RNASEH1: variants seen among roughly 807,000 people sequenced by gnomAD.
RNASEH1 encodes ribonuclease H1.
Under a neutral mutation model 34.6 loss-of-function variants are expected in RNASEH1, and 27 were observed. The ratio of observed to expected loss-of-function variants is 0.78; its 90% CI spans 0.58 to 1.08. The LOEUF is 1.08. Ranked by LOEUF, RNASEH1 falls within the 50% of genes least tolerant of loss-of-function variation. The pLI is 0.00. For synonymous variants in RNASEH1, 162 were observed against 138.4 expected, an observed-to-expected ratio of 1.17 and a Z score of -1.20; for missense variants, 349 against 373.6, an observed-to-expected ratio of 0.93 and a Z score of 0.54.
chr2:3,545,956 C>A, intron 7 of RNASEH1, 85 bp from the exon 8 acceptor site: 1 of 943,104 alleles, frequency 1.1e-6, no homozygotes, highest in South Asian at 1.3e-5. Context: ...AAAAACCATT[C>A]AGAACAGACT....
intron 5 of RNASEH1, 96 bp downstream of exon 5, chr2:3,548,957 ATATCT>A (rs1172707468): frequency 1.1e-5 from 11 of 1,013,592 alleles, no homozygotes; most frequent in Non-Finnish European, 1.5e-5. Flanking sequence ...CTCTCTTCAA[ATATCT>A]TATATGTATA....
chr2:3,534,743 G>C, the RNASEH1 span, among the ~76,000 whole-genome samples: 1 of 152,262 alleles, frequency 6.6e-6, no homozygotes, highest in Admixed American at 6.5e-5. Context: ...AGGGGCGCCA[G>C]CGGCCATGGA....
At chr2:3,553,541 C>T (rs987009251) in intron 2 of RNASEH1, among the ~76,000 whole-genome samples, 1 of 151,146 alleles carries the variant, frequency 6.6e-6, no homozygotes, top group Non-Finnish European at 1.5e-5. Flanking sequence ...AGGCACCCAC[C>T]ACCACACCCA....
the RNASEH1 span, among the ~76,000 whole-genome samples, chr2:3,532,635 T>C: frequency 6.6e-6 from 1 of 152,170 alleles, no homozygotes. Flanking sequence ...TGGTAAGGAT[T>C]TGTGTATCTA....
At chr2:3,554,542 CTT>C (rs1384799444) in intron 2 of RNASEH1, among the ~76,000 whole-genome samples, 1 of 152,162 alleles carries the variant, frequency 6.6e-6, no homozygotes, top group Non-Finnish European at 1.5e-5. Flanking sequence ...GGGGCTAAGA[CTT>C]TTTGATACAG....
At chr2:3,540,689 G>A (rs1668245854), downstream of RNASEH1, among the ~76,000 whole-genome samples, 2 of 152,190 alleles carry the variant, frequency 1.3e-5, no homozygotes, top group African/African-American at 4.8e-5. Context: ...CTACAGGCGT[G>A]AGCCACTGCG....
rs1669114091 is a variant in RNASEH1, at chr2:3,549,883, T to C, written c.509+490A>G. Among the ~76,000 whole-genome samples, 3 of 151,470 alleles carry C rather than the reference T, an allele frequency of 2.0e-5. 1 individual carries two copies. Among genetic ancestry groups the C allele is most frequent in the South Asian group, 2.1e-4 (1 of 4,768 alleles). On this transcript the variant is annotated intron_variant, in intron 4 of 7. Coordinates refer to ENST00000315212, the MANE Select transcript of RNASEH1 (RefSeq NM_002936.6). ...ATGGCGTGAACCTGGGAAGTGGAGC[T>C]TGCAGTGAGCCGAGATCGCGCCACT...
chr2:3,552,028 A>C (rs1480540115), intron 3 of RNASEH1, 116 bp downstream of exon 3: 1 of 755,502 alleles, frequency 1.3e-6, no homozygotes, highest in Non-Finnish European at 2.1e-6. Flanking sequence ...CTTTACACAT[A>C]AGAATGAAGA....
intron 1 of RNASEH1, chr2:3,557,560 G>A: frequency 3.5e-6 from 1 of 282,908 alleles, no homozygotes; most frequent in Non-Finnish European, 7.0e-6. Context: ...AGTGGGAAGA[G>A]TTCTGGTGGT....
intron 6 of RNASEH1, 40 bp from the exon 7 acceptor site, chr2:3,548,095 G>A: frequency 6.2e-7 from 1 of 1,612,302 alleles, no homozygotes; most frequent in Non-Finnish European, 8.5e-7. Context: ...AATCTTGAGT[G>A]TCCTGCCTTT....
chr2:3,554,502 T>C (rs962454992), intron 2 of RNASEH1, among the ~76,000 whole-genome samples: 16 of 152,188 alleles, frequency 1.1e-4, no homozygotes, highest in African/African-American at 3.1e-4. Context: ...TAAGGATAAA[T>C]GTAATGTTAA....
chr2:3,540,838 G>A (rs1455443302), downstream of RNASEH1, among the ~76,000 whole-genome samples: 5 of 152,082 alleles, frequency 3.3e-5, no homozygotes, highest in East Asian at 7.7e-4. Flanking sequence ...GGCAGCAGCA[G>A]GAGCATGCTT....
At chr2:3,552,581 A>C (rs542209630) in intron 2 of RNASEH1, among the ~76,000 whole-genome samples, 1 of 61,452 alleles carries the variant, frequency 1.6e-5, no homozygotes, top group African/African-American at 6.7e-5. Flanking sequence ...CCTCCCCTCC[A>C]CACCACCACC....
Position 3,549,091 on chromosome 2 carries a change from AG to A in RNASEH1, c.530del (p.Pro177LeufsTer39), listed in dbSNP as rs1669037908. 1 of 1,613,728 alleles carries A rather than the reference AG, an allele frequency of 6.2e-7. No individual in the cohort carries two copies. Among genetic ancestry groups the A allele is most frequent in the Non-Finnish European group, 8.5e-7 (1 of 1,179,608 alleles). The part of the protein sequence containing the change: ...GHPLNVGIRL[P>X]GRQTNQRAEI... ...CCGCTCTTTGGTTTGTCTGCCGCCCAGGAAGTCTAATGCCTACATTTCTGTT... is the reference window on the plus strand; with the variant it reads ...CCGCTCTTTGGTTTGTCTGCCGCCCAGAAGTCTAATGCCTACATTTCTGTT... On this transcript the variant is annotated frameshift_variant, in exon 5 of 8. Coordinates refer to ENST00000315212, the MANE Select transcript of RNASEH1 (RefSeq NM_002936.6). LOFTEE classifies it high-confidence loss of function.
At position 3,548,244 on chromosome 2, in the gene RNASEH1, C is replaced by A. The variant is rs13002108; in HGVS notation, c.650-189G>T. On this transcript the variant is annotated intron_variant, in intron 6 of 7. Coordinates refer to ENST00000315212, the MANE Select transcript of RNASEH1 (RefSeq NM_002936.6). Reference sequence around the variant, plus strand: ...GAAATACCCTCCTCTCTTCCCTTTCCCCTAACTTGTATTCTACCTACAGCT... The same window carrying A: ...GAAATACCCTCCTCTCTTCCCTTTCACCTAACTTGTATTCTACCTACAGCT... 0.16 allele frequency among the ~76,000 whole-genome samples: 24,341 copies of A among 152,124 alleles called. 2,144 individuals carry two copies. Among genetic ancestry groups the A allele is most frequent in the Admixed American group, 0.24 (3,637 of 15,282 alleles).
chr2:3,539,851 T>C (rs1002954623), downstream of RNASEH1, among the ~76,000 whole-genome samples: 3 of 152,202 alleles, frequency 2.0e-5, no homozygotes, highest in East Asian at 1.9e-4. Flanking sequence ...CAACTTGAAA[T>C]GAACATCACC....
At chr2:3,532,004 A>G in the RNASEH1 span, 47 of 495,774 alleles carry the variant, frequency 9.5e-5, no homozygotes, top group East Asian at 1.6e-3. Context: ...GAGACAGAGA[A>G]AGGTTTATTC....
chr2:3,539,964 T>G (rs1328303021), downstream of RNASEH1, among the ~76,000 whole-genome samples: 1 of 152,176 alleles, frequency 6.6e-6, no homozygotes, highest in Non-Finnish European at 1.5e-5. Flanking sequence ...ACCTCCGGCT[T>G]CGTGCACTTT....
At chr2:3,551,028 C>T (rs1053018399) in intron 3 of RNASEH1, among the ~76,000 whole-genome samples, 11 of 152,194 alleles carry the variant, frequency 7.2e-5, no homozygotes, top group African/African-American at 2.2e-4. Context: ...AAAGGACTGA[C>T]GGGGGCATTC....
Sources: gnomAD v4.1 joint callset for allele counts (sites outside exome capture counted in the v4.1 genomes callset) on GRCh38, gnomAD v4.1.1 for gene constraint, MANE v1.5 for transcripts, NCBI Gene and HGNC (gene_info 2026-07-23, HGNC 2026-07-21) for gene names.